Variants in ZNF568 observed in about 807,000 individuals in gnomAD.
ZNF568 encodes the protein p53 inhibitor of SCO2 activation.
A neutral mutation model predicts 18.1 loss-of-function variants in ZNF568; 11 were observed. That is an observed-to-expected ratio of 0.61 (90% CI 0.38 to 1.00). The LOEUF (loss-of-function observed/expected upper bound fraction) is 1.00, where lower values mean the gene tolerates loss of function less well. Ranked by LOEUF, ZNF568 falls within the 50% of genes least tolerant of loss-of-function variation. The pLI is 0.01. For missense variants in ZNF568, 639 were observed against 768.2 expected (o/e 0.83, Z 1.99); for synonymous variants, 213 against 246.6 (o/e 0.86, Z 1.28).
chr19:36,982,606 T>C (rs2074340766), downstream of ZNF568, among the ~76,000 whole-genome samples: 1 of 152,108 alleles, frequency 6.6e-6, no homozygotes, highest in Admixed American at 6.5e-5. Flanking sequence ...TTTGGAAGGC[T>C]GAGGCAGGAG....
downstream of ZNF568, among the ~76,000 whole-genome samples, chr19:36,981,484 T>C (rs1049047466): frequency 6.6e-6 from 1 of 152,194 alleles, no homozygotes; most frequent in African/African-American, 2.4e-5. Flanking sequence ...TGTGGAATGG[T>C]TTTCAATAAA....
chr19:36,986,789 C>T (rs1251799786), intron 2 of ZNF568, among the ~76,000 whole-genome samples: 4 of 152,114 alleles, frequency 2.6e-5, no homozygotes, highest in African/African-American at 4.8e-5. Context: ...CATTCCCTTC[C>T]GCCTTTGATC....
intron 6 of ZNF568, among the ~76,000 whole-genome samples, chr19:36,966,364 G>T (rs958854153): frequency 3.3e-5 from 5 of 152,070 alleles, no homozygotes; most frequent in African/African-American, 1.2e-4. Context: ...TCCTGCCTTA[G>T]TCTCCCAAAG....
chr19:36,919,886 A>G (rs1052562321), intron 2 of ZNF568, among the ~76,000 whole-genome samples: 3 of 152,224 alleles, frequency 2.0e-5, no homozygotes, highest in Admixed American at 1.3e-4. Flanking sequence ...AAAATTATGT[A>G]CAGTACATAA....
chr19:36,919,272 G>T (rs532892288), intron 2 of ZNF568, among the ~76,000 whole-genome samples: 1 of 151,922 alleles, frequency 6.6e-6, no homozygotes, highest in African/African-American at 2.4e-5. Flanking sequence ...TGTTTTCATG[G>T]AGTTTATGTT....
intron 2 of ZNF568, among the ~76,000 whole-genome samples, chr19:36,920,045 C>T (rs2073425141): frequency 6.6e-6 from 1 of 152,006 alleles, no homozygotes; most frequent in African/African-American, 2.4e-5. Context: ...CAGAAGAAGG[C>T]ATTGTTATCA....
chr19:36,923,086 TAAAC>T (rs997289656), intron 3 of ZNF568, among the ~76,000 whole-genome samples: 1 of 152,204 alleles, frequency 6.6e-6, no homozygotes, highest in Non-Finnish European at 1.5e-5. Flanking sequence ...TACTATAACA[TAAAC>T]AAAAGCTTCC....
At chr19:36,979,212 A>G in exon 8 of ZNF568, 1 of 184,468 alleles carries the variant, frequency 5.4e-6, no homozygotes, top group Non-Finnish European at 1.2e-5. Context: ...CAAACTCCCG[A>G]CCTCAGGTGA....
At position 36,951,081 on chromosome 19, in the gene ZNF568, T is replaced by A; in HGVS notation, c.1928T>A (p.Val643Glu). The A allele has an allele frequency of 6.6e-7, 1 of 1,514,442 alleles. No individual in the cohort carries two copies. The highest frequency in any genetic ancestry group is 1.4e-5 in the South Asian group (1 of 72,766). The allele number at this position is 1,514,442 out of a possible 1,614,324, so 93.8% of individuals were successfully genotyped here. A position where few individuals can be genotyped will look rare whatever the true frequency, so the allele number is the denominator to read the frequency against. ...KRGHTGERHQ[V>E]Y is the part of the protein sequence containing the mutation. Reference sequence around the variant, plus strand: ...GGTCATACAGGTGAGAGACACCAAGTATATTAAATGAAAGAAGGCCTCTTA... The same window carrying A: ...GGTCATACAGGTGAGAGACACCAAGAATATTAAATGAAAGAAGGCCTCTTA... The change falls in exon 7 of 7, where the codon GTA becomes GAA. Residue 643 changes from valine (V) to glutamate (E), a missense_variant. Transcript: ENST00000333987.
chr19:36,921,143 G>T (rs1435901241), intron 2 of ZNF568, among the ~76,000 whole-genome samples: 3 of 152,178 alleles, frequency 2.0e-5, no homozygotes, highest in Non-Finnish European at 4.4e-5. Context: ...ATGCGTGACT[G>T]TATATATTAA....
Position 36,950,624 on chromosome 19 carries a change from C to T in ZNF568, c.1471C>T (p.Arg491Ter), listed in dbSNP as rs199774103. Reference protein sequence around the residue: ...KAFIQMSNLIRHQRIHTGEKP... With the variant: ...KAFIQMSNLI ...TTTTATTCAGATGTCAAACCTCATT[C>T]GACACCAGAGAATTCATACGGGTGA... Residue 491 changes from arginine to a stop codon, truncating the protein, a stop_gained, in exon 7 of 7, where the codon CGA becomes TGA. Transcript: ENST00000333987. LOFTEE classifies it low-confidence loss of function (END_TRUNC). The T allele has an allele frequency of 1.1e-4, 172 of 1,613,132 alleles. No homozygotes were observed. The highest frequency in any genetic ancestry group is 4.0e-5 in the African/African-American group (3 of 74,660).
At position 36,927,938 on chromosome 19, in the gene ZNF568, G is replaced by A. The variant is rs1382180946; in HGVS notation, c.135+2680G>A. Among the ~76,000 whole-genome samples the A allele has an allele frequency of 4.0e-5, 3 of 74,710 alleles. No homozygotes were observed. The East Asian group carries it at 1.7e-3, about 41-fold the overall frequency. 49.0% of individuals were successfully genotyped at this position (74,710 alleles called of 152,430 possible). On this transcript the variant is annotated intron_variant, in intron 4 of 6. Coordinates refer to ENST00000333987, the MANE Select transcript of ZNF568 (RefSeq NM_198539.4). Reference sequence around the variant, plus strand: ...TTTTTTTTTTTTTTTTTTTGGTGATGAAGTCTTGCTTTGTTGCCCAGGCTT... The same window carrying A: ...TTTTTTTTTTTTTTTTTTTGGTGATAAAGTCTTGCTTTGTTGCCCAGGCTT...
chr19:36,929,463 A>G (rs1466478809), intron 4 of ZNF568, among the ~76,000 whole-genome samples: 1 of 152,086 alleles, frequency 6.6e-6, no homozygotes, highest in African/African-American at 2.4e-5. Context: ...AGGCGGGTGA[A>G]TCATGAGGTC....
intron 6 of ZNF568, among the ~76,000 whole-genome samples, chr19:36,947,114 C>T (rs1600813914): frequency 1.3e-5 from 2 of 152,226 alleles, no homozygotes; most frequent in Middle Eastern, 6.8e-3. Flanking sequence ...CTCCCAGGTT[C>T]AAGCAATTCT....
downstream of ZNF568, among the ~76,000 whole-genome samples, chr19:36,981,534 T>C (rs2074331360): frequency 6.6e-6 from 1 of 152,234 alleles, no homozygotes; most frequent in Non-Finnish European, 1.5e-5. Context: ...TTGTTAATTT[T>C]ATTTCCAGGT....
chr19:36,961,168 A>G (rs1314952748), intron 6 of ZNF568, among the ~76,000 whole-genome samples: 2 of 151,676 alleles, frequency 1.3e-5, no homozygotes, highest in African/African-American at 2.4e-5. Context: ...ATCTAGTAAT[A>G]TTTGCTTTAT....
intron 6 of ZNF568, among the ~76,000 whole-genome samples, chr19:36,971,205 C>G (rs2074232926): frequency 6.6e-6 from 1 of 151,642 alleles, no homozygotes; most frequent in African/African-American, 2.4e-5. Flanking sequence ...TGCACACCAG[C>G]CTGGGCAACA....
chr19:36,956,601 C>CT (rs887422184), downstream of ZNF568, among the ~76,000 whole-genome samples: 123 of 118,364 alleles, frequency 1.0e-3, no homozygotes, highest in East Asian at 0.015. Flanking sequence ...TTAAAAAAAA[C>CT]TTTTTTTTTT....
chr19:36,964,881 ACCATGT>A, intron 6 of ZNF568, among the ~76,000 whole-genome samples: 1 of 152,244 alleles, frequency 6.6e-6, no homozygotes, highest in East Asian at 1.9e-4. Context: ...GCAGATGACA[ACCATGT>A]CCCCTGAGGT....
Sources: gnomAD v4.1 joint callset for allele counts (sites outside exome capture counted in the v4.1 genomes callset) on GRCh38, gnomAD v4.1.1 for gene constraint, MANE v1.5 for transcripts, NCBI Gene and HGNC (gene_info 2026-07-23, HGNC 2026-07-21) for gene names.